The following SHTN1 variants were observed in gnomAD, a reference collection of about 807,000 sequenced individuals.
The protein encoded by SHTN1 is shootin-1.
In SHTN1, 42 loss-of-function variants were observed where a neutral mutation model predicts 83.1. That is an observed-to-expected ratio of 0.51 (90% CI 0.39 to 0.65). SHTN1 has a LOEUF of 0.65. Among genes scored for constraint, SHTN1 ranks in the 30% least tolerant of loss-of-function variants. SHTN1 has a pLI of 0.00. For missense variants in SHTN1, 622 were observed against 737.8 expected (o/e 0.84, Z 1.82); for synonymous variants, 224 against 247.7 (o/e 0.90, Z 0.90).
At chr10:116,898,766 A>C (rs558294226) in intron 16 of SHTN1, among the ~76,000 whole-genome samples, 8 of 152,232 alleles carry the variant, frequency 5.3e-5, no homozygotes, top group African/African-American at 1.4e-4. Context: ...AACAAACAAA[A>C]AAAACACCCT....
chr10:117,022,270 A>G (rs1254752513), intron 2 of SHTN1, among the ~76,000 whole-genome samples: 3 of 152,254 alleles, frequency 2.0e-5, no homozygotes, highest in African/African-American at 7.2e-5. Context: ...TTATTTTAAT[A>G]AAACCAGAAT....
At chr10:117,057,780 C>T (rs1165520190) in intron 1 of SHTN1, among the ~76,000 whole-genome samples, 1 of 152,144 alleles carries the variant, frequency 6.6e-6, no homozygotes, top group Non-Finnish European at 1.5e-5. Flanking sequence ...CACAAACACA[C>T]AGCAAACCCT....
At chr10:116,952,607 G>T (rs1172075503) in intron 5 of SHTN1, among the ~76,000 whole-genome samples, 6 of 152,272 alleles carry the variant, frequency 3.9e-5, no homozygotes, top group African/African-American at 1.2e-4. Flanking sequence ...AGGATTCAAT[G>T]AAAAGTGTGT....
At chr10:117,017,734 T>C (rs1403139713) in intron 2 of SHTN1, among the ~76,000 whole-genome samples, 1 of 152,038 alleles carries the variant, frequency 6.6e-6, no homozygotes, top group African/African-American at 2.4e-5. Flanking sequence ...CTTCCAAAAA[T>C]AAGAGATGGA....
intron 12 of SHTN1, among the ~76,000 whole-genome samples, chr10:116,917,549 C>T (rs922948392): frequency 6.6e-6 from 1 of 152,088 alleles, no homozygotes; most frequent in African/African-American, 2.4e-5. Flanking sequence ...AAAAGTCTGC[C>T]ATTTTGAGAC....
chr10:117,103,530 C>CTTTTTTTTTTTTTTTTTTTTTTTTTTTTT, intron 1 of SHTN1, among the ~76,000 whole-genome samples: 1 of 77,502 alleles, frequency 1.3e-5, no homozygotes, highest in Non-Finnish European at 2.2e-5. Flanking sequence ...CCTCCCCTCT[C>CTTTTTTTTTTTTTTTTTTTTTTTTTTTTT]TTTTTTTTTT....
intron 16 of SHTN1, among the ~76,000 whole-genome samples, chr10:116,899,506 GGTGTGTGT>G (rs370396879): frequency 3.5e-4 from 43 of 124,578 alleles, no homozygotes; most frequent in Middle Eastern, 4.2e-3. Flanking sequence ...GGCTGGGGCT[GGTGTGTGT>G]GTGTGTGTGT....
intron 12 of SHTN1, among the ~76,000 whole-genome samples, chr10:116,918,691 G>A (rs1848454186): frequency 6.6e-6 from 1 of 152,036 alleles, no homozygotes; most frequent in Non-Finnish European, 1.5e-5. Context: ...TTTCTGTGCT[G>A]GATACTACTG....
intron 1 of SHTN1, among the ~76,000 whole-genome samples, chr10:117,088,570 T>TG (rs1050808477): frequency 2.0e-5 from 3 of 152,198 alleles, no homozygotes; most frequent in African/African-American, 7.2e-5. Context: ...AGGAGAATGA[T>TG]GAACTACAAA....
chr10:116,963,251 T>C (rs1850264731), intron 3 of SHTN1, among the ~76,000 whole-genome samples: 1 of 150,640 alleles, frequency 6.6e-6, no homozygotes, highest in South Asian at 2.1e-4. Flanking sequence ...TTTTTGTATT[T>C]TTAGTAGAGA....
chr10:116,966,575 G>A (rs1850405018), intron 3 of SHTN1, among the ~76,000 whole-genome samples: 1 of 152,146 alleles, frequency 6.6e-6, no homozygotes, highest in Non-Finnish European at 1.5e-5. Flanking sequence ...GTTATTCAGA[G>A]GAAGAGACAA....
chr10:117,021,578 C>T (rs1236442262), intron 2 of SHTN1, among the ~76,000 whole-genome samples: 1 of 152,094 alleles, frequency 6.6e-6, no homozygotes, highest in Non-Finnish European at 1.5e-5. Context: ...TAGTGATGTG[C>T]AACCATCACC....
intron 6 of SHTN1, among the ~76,000 whole-genome samples, chr10:116,950,521 A>G (rs1849739026): frequency 2.0e-5 from 3 of 152,224 alleles, no homozygotes; most frequent in Non-Finnish European, 2.9e-5. Context: ...CATAATAAAA[A>G]TAATTGTTGA....
chr10:117,078,851 A>G (rs1271559452), intron 1 of SHTN1, among the ~76,000 whole-genome samples: 1 of 152,102 alleles, frequency 6.6e-6, no homozygotes, highest in Non-Finnish European at 1.5e-5. Context: ...ATGTCTTTCA[A>G]GGAATTGGTC....
At chr10:117,023,984 A>C (rs1398127725) in intron 2 of SHTN1, 1 of 152,638 alleles carries the variant, frequency 6.6e-6, no homozygotes, top group Non-Finnish European at 1.5e-5. Flanking sequence ...ATTTAAAATA[A>C]AGCCTGCTGC....
At chr10:117,121,255 C>A (rs1050856339) in intron 1 of SHTN1, among the ~76,000 whole-genome samples, 2 of 152,160 alleles carry the variant, frequency 1.3e-5, no homozygotes, top group African/African-American at 4.8e-5. Context: ...ATTTTGTGTA[C>A]ATTTTATAGC....
At chr10:117,086,227 G>A (rs1035366950) in intron 1 of SHTN1, among the ~76,000 whole-genome samples, 16 of 152,242 alleles carry the variant, frequency 1.1e-4, no homozygotes, top group East Asian at 3.9e-4. Flanking sequence ...ATGAGCCACC[G>A]CGCCCGGCCG....
chr10:116,928,532 C>T (rs937709704), intron 10 of SHTN1, among the ~76,000 whole-genome samples: 8 of 152,134 alleles, frequency 5.3e-5, no homozygotes, highest in Non-Finnish European at 1.0e-4. Context: ...AGACGTAACA[C>T]CTGACTTCAA....
At chr10:116,982,533 G>A (rs1046382518) in intron 1 of SHTN1, among the ~76,000 whole-genome samples, 11 of 152,160 alleles carry the variant, frequency 7.2e-5, no homozygotes, top group African/African-American at 1.4e-4. Flanking sequence ...GCAATGTTAC[G>A]GGGTCGCAGA....
Sources: gnomAD v4.1 joint callset for allele counts (sites outside exome capture counted in the v4.1 genomes callset) on GRCh38, gnomAD v4.1.1 for gene constraint, MANE v1.5 for transcripts, NCBI Gene and HGNC (gene_info 2026-07-23, HGNC 2026-07-21) for gene names.